Variants in MAGI2 observed in about 807,000 individuals in gnomAD.
The protein encoded by MAGI2 is membrane-associated guanylate kinase, WW and PDZ domain-containing protein 2.
In MAGI2, 35 loss-of-function variants were observed where a neutral mutation model predicts 133.3. The observed-to-expected ratio is 0.26, with a 90% CI of 0.20 to 0.35. The LOEUF is 0.35. Ranked by LOEUF, MAGI2 falls within the 10% of genes least tolerant of loss-of-function variation. The pLI is 1.00. For synonymous variants in MAGI2, 729 were observed against 710.6 expected, an observed-to-expected ratio of 1.03 and a Z score of -0.41; for missense variants, 1,636 against 1,863.4, an observed-to-expected ratio of 0.88 and a Z score of 2.25.
intron 1 of MAGI2, among the ~76,000 whole-genome samples, chr7:79,138,911 G>A (rs1330307094): frequency 6.8e-6 from 1 of 146,784 alleles, no homozygotes; most frequent in Non-Finnish European, 1.5e-5. Flanking sequence ...GGGAGGCGGA[G>A]CTTGCAGTGA....
intron 1 of MAGI2, among the ~76,000 whole-genome samples, chr7:79,009,794 CAT>C (rs1807859933): frequency 6.6e-6 from 1 of 152,024 alleles, no homozygotes; most frequent in Non-Finnish European, 1.5e-5. Flanking sequence ...ATATTCTGAC[CAT>C]GAAGTGAAGT....
intron 1 of MAGI2, among the ~76,000 whole-genome samples, chr7:79,032,546 C>T (rs1447071210): frequency 6.7e-6 from 1 of 149,580 alleles, no homozygotes; most frequent in African/African-American, 2.5e-5. Context: ...GACTGCAGGG[C>T]ACATTACCCA....
chr7:78,566,988 T>C (rs1267841408), intron 3 of MAGI2, among the ~76,000 whole-genome samples: 1 of 152,166 alleles, frequency 6.6e-6, no homozygotes, highest in Non-Finnish European at 1.5e-5. Context: ...TTTTACAATA[T>C]GAGGTTTTAA....
At chr7:78,584,835 G>C (rs1224688199) in intron 3 of MAGI2, among the ~76,000 whole-genome samples, 1 of 152,142 alleles carries the variant, frequency 6.6e-6, no homozygotes, top group African/African-American at 2.4e-5. Flanking sequence ...AATGTTAATG[G>C]CTTAGCTGTT....
chr7:78,199,225 G>A (rs1829013413), intron 11 of MAGI2, among the ~76,000 whole-genome samples: 1 of 152,200 alleles, frequency 6.6e-6, no homozygotes, highest in East Asian at 1.9e-4. Context: ...GGCCCAATAA[G>A]GGCCACACTC....
intron 20 of MAGI2, among the ~76,000 whole-genome samples, chr7:78,114,033 G>C (rs1819618055): frequency 6.6e-6 from 1 of 152,214 alleles, no homozygotes; most frequent in Non-Finnish European, 1.5e-5. Flanking sequence ...GCAGCTGTGA[G>C]CCCCTGACAG....
intron 2 of MAGI2, among the ~76,000 whole-genome samples, chr7:78,913,434 T>C (rs1161142594): frequency 6.6e-6 from 1 of 152,138 alleles, no homozygotes; most frequent in Non-Finnish European, 1.5e-5. Flanking sequence ...GTAAGTTTCC[T>C]GAGGCCTCCT....
At chr7:78,792,232 A>G (rs998919274) in intron 2 of MAGI2, among the ~76,000 whole-genome samples, 1 of 152,204 alleles carries the variant, frequency 6.6e-6, no homozygotes, top group Non-Finnish European at 1.5e-5. Context: ...ATAGTGTTAC[A>G]GCACGGAGGA....
intron 9 of MAGI2, among the ~76,000 whole-genome samples, chr7:78,282,966 A>C (rs904308898): frequency 1.3e-5 from 2 of 152,144 alleles, no homozygotes; most frequent in African/African-American, 4.8e-5. Context: ...AATAATATAG[A>C]AGTTTAGGCT....
At chr7:78,667,173 G>T (rs1813690830) in intron 2 of MAGI2, among the ~76,000 whole-genome samples, 1 of 151,796 alleles carries the variant, frequency 6.6e-6, no homozygotes, top group Non-Finnish European at 1.5e-5. Context: ...GAGAATACTG[G>T]AGTTAAATAT....
chr7:78,719,461 G>A (rs987577906), intron 2 of MAGI2, among the ~76,000 whole-genome samples: 4 of 152,192 alleles, frequency 2.6e-5, no homozygotes, highest in African/African-American at 4.8e-5. Context: ...AAAGTTTACA[G>A]AAGTGACATT....
chr7:79,344,761 G>A (rs571734769), intron 1 of MAGI2, among the ~76,000 whole-genome samples: 12 of 152,184 alleles, frequency 7.9e-5, no homozygotes, highest in Non-Finnish European at 1.3e-4. Flanking sequence ...GCCACGGAAA[G>A]TTATTAGGGA....
At chr7:78,958,700 G>A (rs140249287) in intron 2 of MAGI2, among the ~76,000 whole-genome samples, 87 of 152,182 alleles carry the variant, frequency 5.7e-4, no homozygotes, top group African/African-American at 2.0e-3. Context: ...TCCATTCGTT[G>A]GTCAATGAAT....
intron 9 of MAGI2, among the ~76,000 whole-genome samples, chr7:78,257,950 C>A (rs183820433): frequency 1.3e-5 from 2 of 152,290 alleles, no homozygotes; most frequent in Admixed American, 1.3e-4. Context: ...CAGAGTTGAA[C>A]TTTTAGAGTT....
At chr7:78,298,773 G>T (rs1006041681) in intron 9 of MAGI2, among the ~76,000 whole-genome samples, 6 of 150,044 alleles carry the variant, frequency 4.0e-5, no homozygotes, top group African/African-American at 1.5e-4. Flanking sequence ...CCAAAGTGTT[G>T]GGATTACAGG....
At chr7:78,238,065 G>A (rs1429757547) in intron 10 of MAGI2, among the ~76,000 whole-genome samples, 1 of 152,100 alleles carries the variant, frequency 6.6e-6, no homozygotes, top group African/African-American at 2.4e-5. Context: ...CCTTCATAAG[G>A]CTACTAGGAC....
chr7:78,266,659 C>T (rs757882432), intron 9 of MAGI2, among the ~76,000 whole-genome samples: 1 of 151,736 alleles, frequency 6.6e-6, no homozygotes, highest in Non-Finnish European at 1.5e-5. Flanking sequence ...CTTACTGCAA[C>T]CTCCACCTCC....
chr7:78,837,712 A>G (rs1791767036), intron 2 of MAGI2, among the ~76,000 whole-genome samples: 1 of 152,150 alleles, frequency 6.6e-6, no homozygotes, highest in Non-Finnish European at 1.5e-5. Context: ...AATTTTATCA[A>G]TGGATTTAAG....
At position 78,096,815 on chromosome 7, in the gene MAGI2, T is replaced by G. The variant is rs1208273867; in HGVS notation, c.3568-17730A>C. ...AAAAAGTTTGCCCAAAGGCAAAAAT[T>G]GACAAATGGGATCTAATTAAACATA... On this transcript the variant is annotated intron_variant, in intron 20 of 21. Coordinates refer to ENST00000354212, the MANE Select transcript of MAGI2 (RefSeq NM_012301.4). Among the ~76,000 whole-genome samples, 3 of 152,108 alleles carry G rather than the reference T, an allele frequency of 2.0e-5. No homozygotes were observed. The South Asian group carries it at 6.2e-4, about 32-fold the overall frequency.
Sources: gnomAD v4.1 joint callset for allele counts (sites outside exome capture counted in the v4.1 genomes callset) on GRCh38, gnomAD v4.1.1 for gene constraint, MANE v1.5 for transcripts, NCBI Gene and HGNC (gene_info 2026-07-23, HGNC 2026-07-21) for gene names.